GRIN2B: variants seen among roughly 807,000 people sequenced by gnomAD.
GRIN2B encodes glutamate receptor ionotropic, NMDA 2B.
GRIN2B carries 5 observed loss-of-function variants against 114.5 expected under a neutral mutation model. The ratio of observed to expected loss-of-function variants is 0.04; its 90% CI spans 0.02 to 0.09. GRIN2B has a LOEUF of 0.09. Among genes scored for constraint, GRIN2B ranks in the 10% least tolerant of loss-of-function variants. GRIN2B has a pLI of 1.00. For synonymous variants in GRIN2B, 787 were observed against 745.1 expected (o/e 1.06, Z -0.92); for missense variants, 1,108 against 1,943.5 (o/e 0.57, Z 8.08).
chr12:13,911,062 A>G lies in GRIN2B; in HGVS notation c.-18-44836T>C, dbSNP rs1485736705. ...TGGACCAGGCCCTTTCTCTTCTCCTATAGACCCCCTAGATACCTCTACTGT... is the reference window on the plus strand; with the variant it reads ...TGGACCAGGCCCTTTCTCTTCTCCTGTAGACCCCCTAGATACCTCTACTGT... On this transcript the variant is annotated intron_variant, in intron 2 of 13. Coordinates refer to ENST00000609686, the MANE Select transcript of GRIN2B (RefSeq NM_000834.5). Among the ~76,000 whole-genome samples the G allele has an allele frequency of 2.0e-5, 3 of 152,006 alleles. No individual in the cohort carries two copies. In the East Asian group the frequency reaches 5.8e-4, roughly 29 times the overall value.
At chr12:13,787,756 A>T (rs774870317) in intron 3 of GRIN2B, among the ~76,000 whole-genome samples, 2 of 152,226 alleles carry the variant, frequency 1.3e-5, no homozygotes, top group Non-Finnish European at 2.9e-5. Context: ...CATGGAACCT[A>T]CATTTTTAAG....
At chr12:13,743,394 A>G (rs1863318466) in intron 4 of GRIN2B, among the ~76,000 whole-genome samples, 1 of 152,158 alleles carries the variant, frequency 6.6e-6, no homozygotes. Context: ...AGTGAGGACA[A>G]TGACCCCGTG....
rs1565525157 is a variant in GRIN2B, at chr12:13,753,945, GA to G, written c.412-31del. 2 of 1,470,140 alleles carry G rather than the reference GA, an allele frequency of 1.4e-6. No homozygotes were observed. The highest frequency in any genetic ancestry group is 1.9e-6 in the Non-Finnish European group (2 of 1,050,358). The allele number at this position is 1,470,140 out of a possible 1,614,324, so 91.1% of individuals were successfully genotyped here. ...AAAAAGAACAGGACAAAAAAAGGAA[GA>G]GAGAAAAAAATCAAACCAAAGATGG... On this transcript the variant is annotated intron_variant, in intron 3 of 13. Transcript: ENST00000609686. The surrounding 1 kb of genome is among the most constrained non-coding windows in gnomAD (Gnocchi z 6.2).
In GRIN2B at chr12:13,560,584, G is replaced by A. The variant is rs1226136425; in HGVS notation, c.*2199C>T. The stretch of plus-strand genomic sequence containing the variant: ...CCCTGGACAGAGTCAGGGCGAAGCA[G>A]TGTTTACGTGGCCCTTCGCCTTCTT... On this transcript the variant is annotated 3_prime_UTR_variant, in exon 14 of 14. Coordinates refer to ENST00000609686, the MANE Select transcript of GRIN2B (RefSeq NM_000834.5). 1 of 152,200 alleles carries A rather than the reference G, an allele frequency of 6.6e-6. No individual in the cohort carries two copies. The allele number at this position is 152,200 out of a possible 1,614,324, so 9.4% of individuals were successfully genotyped here. A position where few individuals can be genotyped will look rare whatever the true frequency, so the allele number is the denominator to read the frequency against.
chr12:13,778,759 C>A (rs1181684635), intron 3 of GRIN2B, among the ~76,000 whole-genome samples: 1 of 152,192 alleles, frequency 6.6e-6, no homozygotes, highest in Non-Finnish European at 1.5e-5. Flanking sequence ...TCACCTGAAA[C>A]CCGTACTTTT....
chr12:13,936,791 A>T (rs1045760882), intron 2 of GRIN2B, among the ~76,000 whole-genome samples: 1 of 152,124 alleles, frequency 6.6e-6, no homozygotes, highest in African/African-American at 2.4e-5. Context: ...ATTAAAGGTA[A>T]ATATGGCCCT....
chr12:13,697,714 C>CA (rs5796553), intron 4 of GRIN2B, among the ~76,000 whole-genome samples: 148,247 of 152,278 alleles, frequency 0.97, 72,280 homozygotes, highest in Middle Eastern at 1. Context: ...TAAATCTGTG[C>CA]GTGAAAACAT....
At chr12:13,700,243 G>C (rs1181380374) in intron 4 of GRIN2B, among the ~76,000 whole-genome samples, 2 of 152,114 alleles carry the variant, frequency 1.3e-5, no homozygotes, top group Non-Finnish European at 2.9e-5. Context: ...GCAATTTTAA[G>C]GAGGTCAAAT....
chr12:13,789,540 G>GTT (rs965038397), intron 3 of GRIN2B, among the ~76,000 whole-genome samples: 23 of 151,502 alleles, frequency 1.5e-4, no homozygotes, highest in African/African-American at 2.2e-4. Context: ...TCCAAGATCA[G>GTT]TTTTTTTTTA....
chr12:13,659,252 C>G (rs1340675913), intron 5 of GRIN2B, among the ~76,000 whole-genome samples: 1 of 152,170 alleles, frequency 6.6e-6, no homozygotes. Context: ...CCCAGTGTCC[C>G]ATAAATGTCC....
chr12:13,641,521 C>A (rs539057713), intron 5 of GRIN2B, among the ~76,000 whole-genome samples: 8 of 152,046 alleles, frequency 5.3e-5, no homozygotes, highest in Non-Finnish European at 1.0e-4. Context: ...GAACTTCATC[C>A]TGTTAGTTTC....
chr12:13,911,706 C>T (rs1479328489), intron 2 of GRIN2B, among the ~76,000 whole-genome samples: 2 of 152,086 alleles, frequency 1.3e-5, no homozygotes, highest in Non-Finnish European at 2.9e-5. Flanking sequence ...AATGACCAGG[C>T]GGCATGAAAG....
intron 2 of GRIN2B, among the ~76,000 whole-genome samples, chr12:13,889,412 G>A (rs943599675): frequency 6.6e-6 from 1 of 152,154 alleles, no homozygotes; most frequent in Non-Finnish European, 1.5e-5. Context: ...TTATATCTGA[G>A]TCTACTGAAG....
chr12:13,796,165 G>A (rs187425402), intron 3 of GRIN2B, among the ~76,000 whole-genome samples: 25 of 151,810 alleles, frequency 1.6e-4, no homozygotes, highest in South Asian at 1.0e-3. Context: ...TGGAACATCC[G>A]TTTCTGATAT....
chr12:13,887,089 C>T (rs879939606), intron 2 of GRIN2B, among the ~76,000 whole-genome samples: 1 of 152,132 alleles, frequency 6.6e-6, no homozygotes, highest in Non-Finnish European at 1.5e-5. Flanking sequence ...TTAATCACTA[C>T]CCTATATATC....
At chr12:13,843,789 C>A (rs1212067307) in intron 3 of GRIN2B, among the ~76,000 whole-genome samples, 2 of 152,174 alleles carry the variant, frequency 1.3e-5, no homozygotes, top group Non-Finnish European at 2.9e-5. Flanking sequence ...TAGATTTTAA[C>A]AATTTGTTTC....
chr12:13,593,811 A>C lies in GRIN2B; in HGVS notation c.2010+14792T>G, dbSNP rs925663513. Among the ~76,000 whole-genome samples the C allele has an allele frequency of 5.3e-5, 8 of 152,230 alleles. No homozygotes were observed. In the South Asian group the frequency reaches 1.4e-3, roughly 28 times the overall value. On this transcript the variant is annotated intron_variant, in intron 10 of 13. Transcript: ENST00000609686. ...CAAAGGCCTAATATCCAGAATCTAC[A>C]AAGCACTTAAATTTACAAGAAAACA... is the stretch of plus-strand genomic sequence containing the variant.
rs202133231 is a variant in GRIN2B at position 13,562,832 on chromosome 12, C to T, written c.4406G>A (p.Ser1469Asn). Residue 1469 changes from serine to asparagine, a missense_variant, in exon 14 of 14, where the codon AGC becomes AAC. This residue lies in a region of GRIN2B where 478 missense variants were observed against 506.0 expected (regional missense o/e 0.94). Coordinates refer to ENST00000609686, the MANE Select transcript of GRIN2B (RefSeq NM_000834.5). ...AAGTTTCTCATAAACATGCCCATTG[C>T]TGGAGCCATTGAAAGCCCTGGGGTT... ...NKNPRAFNGS[S>N]NGHVYEKLSS... is the part of the protein sequence containing the mutation. 1.2e-6 allele frequency: 2 copies of T among 1,614,184 alleles called. No homozygotes were observed. The highest frequency in any genetic ancestry group is 1.1e-5 in the South Asian group (1 of 91,078).
At chr12:13,653,122 A>G (rs1949832557) in intron 5 of GRIN2B, among the ~76,000 whole-genome samples, 1 of 152,188 alleles carries the variant, frequency 6.6e-6, no homozygotes, top group African/African-American at 2.4e-5. Flanking sequence ...TAAAAGAGAA[A>G]ATAAAGAAGA....
Sources: allele counts gnomAD v4.1 joint callset (sites outside exome capture counted in the v4.1 genomes callset), GRCh38; gene constraint gnomAD v4.1.1; regional missense constraint gnomAD v4.1.1; non-coding constraint Gnocchi (gnomAD v3.1); transcripts MANE v1.5; gene names NCBI Gene and HGNC (gene_info 2026-07-23, HGNC 2026-07-21).